The following PIK3C2G variants were observed in gnomAD, a reference collection of about 807,000 sequenced individuals.
The protein encoded by PIK3C2G is phosphatidylinositol-4-phosphate 3-kinase catalytic subunit type 2 gamma.
Under a neutral mutation model 181.1 loss-of-function variants are expected in PIK3C2G, and 168 were observed. The ratio of observed to expected loss-of-function variants is 0.93; its 90% confidence interval spans 0.82 to 1.05. PIK3C2G has a LOEUF of 1.05. PIK3C2G is among the 50% of genes least tolerant of loss of function. The probability of loss-of-function intolerance (pLI) is 0.00; values close to 1 mark genes in which losing one functional copy is unlikely to be tolerated. For synonymous variants in PIK3C2G, 573 were observed against 592.2 expected (o/e 0.97, Z 0.47); for missense variants, 1,869 against 1,732.8 (o/e 1.08, Z -1.40).
chr12:18,459,919 C>A (rs569803489), intron 18 of PIK3C2G, among the ~76,000 whole-genome samples: 1 of 152,110 alleles, frequency 6.6e-6, no homozygotes, highest in South Asian at 2.1e-4. Flanking sequence ...CCTGCCACCA[C>A]GTCTGTCTAA....
intron 31 of PIK3C2G, among the ~76,000 whole-genome samples, chr12:18,627,120 C>CA (rs1949136875): frequency 6.6e-6 from 1 of 151,674 alleles, no homozygotes. Context: ...TCTGTCTTCA[C>CA]ACTCACTGAT....
Position 18,627,168 on chromosome 12 carries a change from T to C in PIK3C2G, c.4183-13261T>C, listed in dbSNP as rs548099901. ...TTTCACTGGCTGTTGAAAATTTCTA[T>C]TGCATTTTTTCAGTTCAGTCATTAT... is the stretch of plus-strand genomic sequence containing the variant. On this transcript the variant is annotated intron_variant, in intron 31 of 32. Transcript: ENST00000538779. Among the ~76,000 whole-genome samples, 6 of 152,112 alleles carry C rather than the reference T, an allele frequency of 3.9e-5. No homozygotes were observed. The South Asian group carries it at 1.0e-3, about 26-fold the overall frequency.
chr12:18,354,987 G>A (rs1940592661), intron 11 of PIK3C2G, among the ~76,000 whole-genome samples: 1 of 152,210 alleles, frequency 6.6e-6, no homozygotes, highest in African/African-American at 2.4e-5. Context: ...TAGAGAATAG[G>A]AATTGTCCAC....
chr12:18,666,048 T>C, the PIK3C2G span, among the ~76,000 whole-genome samples: 9 of 151,802 alleles, frequency 5.9e-5, 1 homozygote. Flanking sequence ...TTATTATAAA[T>C]TAAGATATTA....
chr12:18,263,202 T>C (rs1263359487), intron 1 of PIK3C2G, among the ~76,000 whole-genome samples: 3 of 152,148 alleles, frequency 2.0e-5, no homozygotes, highest in African/African-American at 7.2e-5. Flanking sequence ...ATTGTGGTTT[T>C]TCACTGTGCA....
At chr12:18,621,427 G>A (rs948899998) in intron 31 of PIK3C2G, among the ~76,000 whole-genome samples, 1 of 151,786 alleles carries the variant, frequency 6.6e-6, no homozygotes, top group African/African-American at 2.4e-5. Context: ...ATTTTTAGAA[G>A]AAATTTAGTT....
At chr12:18,251,664 G>C (rs1428666494) in intron 1 of PIK3C2G, among the ~76,000 whole-genome samples, 1 of 151,972 alleles carries the variant, frequency 6.6e-6, no homozygotes, top group East Asian at 1.9e-4. Context: ...TACTTAATCT[G>C]TTTTTCTTGA....
At chr12:18,608,907 G>T (rs747367287) in intron 30 of PIK3C2G, among the ~76,000 whole-genome samples, 3 of 152,024 alleles carry the variant, frequency 2.0e-5, no homozygotes, top group African/African-American at 7.2e-5. Context: ...CTGTGCAGGG[G>T]GTGGGAGGAG....
rs186232578 is a variant in PIK3C2G at position 18,380,979 on chromosome 12, A to C, written c.1881-787A>C. ...CAGTTTTGCACTTTCAAGTTGGCAT[A>C]TTAAAATCCAACACTGTTTTCTGTG... On this transcript the variant is annotated intron_variant, in intron 13 of 32. Coordinates refer to ENST00000538779, the MANE Select transcript of PIK3C2G (RefSeq NM_001288772.2). Among the ~76,000 whole-genome samples, 601 of 152,318 alleles carry C rather than the reference A, an allele frequency of 3.9e-3. 1 individual carries two copies. The highest frequency in any genetic ancestry group is 0.014 in the African/African-American group (563 of 41,572).
intron 1 of PIK3C2G, among the ~76,000 whole-genome samples, chr12:18,249,770 T>C (rs1948077283): frequency 8.2e-6 from 1 of 121,804 alleles, no homozygotes; most frequent in South Asian, 3.1e-4. Flanking sequence ...TTGAAAATCT[T>C]CTGCTAACTT....
chr12:18,578,108 A>G (rs993152372), intron 29 of PIK3C2G, among the ~76,000 whole-genome samples: 2 of 152,184 alleles, frequency 1.3e-5, no homozygotes, highest in African/African-American at 4.8e-5. Context: ...AAGGTGATAT[A>G]TTAGGTATCT....
At chr12:18,410,019 G>A (rs915397386) in intron 16 of PIK3C2G, among the ~76,000 whole-genome samples, 2 of 152,032 alleles carry the variant, frequency 1.3e-5, no homozygotes, top group African/African-American at 4.8e-5. Flanking sequence ...CCCCATGAGT[G>A]AATCACCTCC....
At chr12:18,567,756 A>G (rs1945715452) in intron 29 of PIK3C2G, among the ~76,000 whole-genome samples, 1 of 152,144 alleles carries the variant, frequency 6.6e-6, no homozygotes, top group African/African-American at 2.4e-5. Flanking sequence ...AAGAAATAGT[A>G]TTCTTAAAAT....
chr12:18,276,396 C>T (rs905409935), intron 1 of PIK3C2G, among the ~76,000 whole-genome samples: 2 of 152,172 alleles, frequency 1.3e-5, no homozygotes, highest in East Asian at 3.8e-4. Context: ...GATTCAACTG[C>T]TTTATTATAT....
chr12:18,516,376 G>A (rs759113133), intron 24 of PIK3C2G, among the ~76,000 whole-genome samples: 2 of 151,116 alleles, frequency 1.3e-5, no homozygotes, highest in Non-Finnish European at 2.9e-5. Flanking sequence ...CTAAAAATAC[G>A]TTTCTCTTCT....
rs369711930 is a variant in PIK3C2G, at chr12:18,496,275, T to C, written c.2886+121T>C. On this transcript the variant is annotated intron_variant, in intron 21 of 32. Coordinates refer to ENST00000538779, the MANE Select transcript of PIK3C2G (RefSeq NM_001288772.2). ...CAACAACACATAGGTTTTTCAGTTA[T>C]TTTAGAGTCTGCCTTTTTACAGGAT... The C allele has an allele frequency of 7.5e-5, 49 of 657,496 alleles. No individual in the cohort carries two copies. The East Asian group carries it at 9.3e-4, about 13-fold the overall frequency. The allele number at this position is 657,496 out of a possible 1,614,324, so 40.7% of individuals were successfully genotyped here. A position where few individuals can be genotyped will look rare whatever the true frequency, so the allele number is the denominator to read the frequency against.
chr12:18,247,920 A>G (rs925409878), exon 1 of PIK3C2G: 11 of 152,150 alleles, frequency 7.2e-5, no homozygotes, highest in Non-Finnish European at 1.5e-4. Flanking sequence ...TACCCTTACT[A>G]TCTGCCTAAG....
At chr12:18,441,394 T>C (rs1946738920) in intron 18 of PIK3C2G, among the ~76,000 whole-genome samples, 1 of 152,156 alleles carries the variant, frequency 6.6e-6, no homozygotes, top group Admixed American at 6.6e-5. Flanking sequence ...AAAAGAGTGT[T>C]GCTTCTTTGC....
intron 1 of PIK3C2G, among the ~76,000 whole-genome samples, chr12:18,255,238 A>AATAT (rs1363098498): frequency 4.5e-4 from 67 of 148,976 alleles, no homozygotes; most frequent in African/African-American, 1.5e-3. Context: ...TAAATAAATA[A>AATAT]ATAAATAAAT....
Sources: allele counts gnomAD v4.1 joint callset (sites outside exome capture counted in the v4.1 genomes callset), GRCh38; gene constraint gnomAD v4.1.1; transcripts MANE v1.5; gene names NCBI Gene and HGNC (gene_info 2026-07-23, HGNC 2026-07-21).